PRTN3: variants seen among roughly 807,000 people sequenced by gnomAD.
PRTN3 encodes the protein proteinase 3.
A neutral mutation model predicts 20.7 loss-of-function variants in PRTN3; 22 were observed. The observed-to-expected ratio is 1.06, with a 90% CI of 0.76 to 1.52. The LOEUF (loss-of-function observed/expected upper bound fraction) is 1.52, where lower values mean the gene tolerates loss of function less well. PRTN3 is among the 40% of genes most tolerant of loss of function. The pLI, the probability that PRTN3 is intolerant of heterozygous loss-of-function variation, is 0.00. For missense variants in PRTN3, 378 were observed against 359.6 expected (o/e 1.05, Z -0.41); for synonymous variants, 173 against 152.9 (o/e 1.13, Z -0.97).
rs113322513 is a variant in PRTN3 at position 846,102 on chromosome 19, G to A, written c.370-45G>A. The A allele has an allele frequency of 6.5e-4, 902 of 1,380,752 alleles. 4 individuals carry two copies. In the African/African-American group the frequency reaches 0.012, roughly 19 times the overall value. The allele number at this position is 1,380,752 out of a possible 1,614,324, so 85.5% of individuals were successfully genotyped here. A position where few individuals can be genotyped will look rare whatever the true frequency, so the allele number is the denominator to read the frequency against. ...TGGGAGGGCGGCCCGGGCGGCCACC[G>A]TGACCTGGAAGCAGCGTCTCACCGC... On this transcript the variant is annotated intron_variant, in intron 3 of 4. Transcript: ENST00000234347.
At chr19:844,331 T>TCTCCCG (rs2035489058) in intron 3 of PRTN3, among the ~76,000 whole-genome samples, 1 of 22,052 alleles carries the variant, frequency 4.5e-5, no homozygotes, top group Non-Finnish European at 7.3e-5. Context: ...CGCCTCTCCC[T>TCTCCCG]TGCCCGCCCC....
chr19:848,008 G>C lies in PRTN3; in HGVS notation c.*39G>C. 2 of 1,565,594 alleles carry C rather than the reference G, an allele frequency of 1.3e-6. No individual in the cohort carries two copies. Among genetic ancestry groups the C allele is most frequent in the South Asian group, 1.2e-5 (1 of 86,484 alleles). ...CAGCGCTGGCCGGGACCCCGAGCCT[G>C]GCTCCAAACCCTCGAGGCGGATCTT... On this transcript the variant is annotated 3_prime_UTR_variant, in exon 5 of 5. Transcript: ENST00000234347.
At position 848,093 on chromosome 19, in the gene PRTN3, C is replaced by T; in HGVS notation, c.*124C>T. 1 of 1,226,790 alleles carries T rather than the reference C, an allele frequency of 8.2e-7. No individual in the cohort carries two copies. Among genetic ancestry groups the T allele is most frequent in the Non-Finnish European group, 1.1e-6 (1 of 900,204 alleles). 76.0% of individuals were successfully genotyped at this position (1,226,790 alleles called of 1,614,324 possible). A position where few individuals can be genotyped will look rare whatever the true frequency, so the allele number is the denominator to read the frequency against. On this transcript the variant is annotated 3_prime_UTR_variant, in exon 5 of 5. Transcript: ENST00000234347. Reference sequence around the variant, plus strand: ...GTCCGGGACGGCCCCACCCGTCCCCCCACACTCCCTCCCACGGGGCTCCGG... The same window carrying T: ...GTCCGGGACGGCCCCACCCGTCCCCTCACACTCCCTCCCACGGGGCTCCGG...
Position 843,939 on chromosome 19 carries a change from A to G in PRTN3, c.274A>G (p.Thr92Ala). 6.3e-7 allele frequency: 1 copy of G among 1,598,394 alleles called. No homozygotes were observed. The highest frequency in any genetic ancestry group is 8.5e-7 in the Non-Finnish European group (1 of 1,174,084). Residue 92 changes from threonine (T) to alanine (A), a missense_variant, in exon 3 of 5, where the codon ACG (threonine) becomes GCG (alanine). Transcript: ENST00000234347. ...GGTGCTCGGAGCCCACAACGTGCGG[A>G]CGCAGGAGCCCACCCAGCAGCACTT... ...NVVLGAHNVR[T>A]QEPTQQHFSV...
chr19:844,077 A>T, intron 3 of PRTN3, 43 bp downstream of exon 3: 1 of 1,558,810 alleles, frequency 6.4e-7, no homozygotes, highest in East Asian at 2.3e-5. Context: ...GCACGGCCAG[A>T]GGGCTCCGGG....
rs944840730 is a variant in PRTN3 at position 844,050 on chromosome 19, C to T, written c.369+16C>T. Reference sequence around the variant, plus strand: ...CCTCATCCAGGTGGGCGGGCAGGGCCGCGAGGGCTCGGAGGGGCACGGCCA... The same window carrying T: ...CCTCATCCAGGTGGGCGGGCAGGGCTGCGAGGGCTCGGAGGGGCACGGCCA... On this transcript the variant is annotated intron_variant, in intron 3 of 4. Coordinates refer to ENST00000234347, the MANE Select transcript of PRTN3 (RefSeq NM_002777.4). The T allele has an allele frequency of 6.3e-7, 1 of 1,592,964 alleles. No individual in the cohort carries two copies.
chr19:846,313 C>T lies in PRTN3; in HGVS notation c.536C>T (p.Thr179Ile), dbSNP rs1409922987. The change falls in exon 4 of 5, where the codon ACC (threonine) becomes ATC (isoleucine). Residue 179 changes from threonine to isoleucine, a missense_variant. By Grantham distance (89) the Thr-to-Ile change is moderately conservative. Coordinates refer to ENST00000234347, the MANE Select transcript of PRTN3 (RefSeq NM_002777.4). ...CAGGAGCTCAATGTCACCGTGGTCA[C>T]CTTCTTCTGCCGGCCACATAACATT... is the stretch of plus-strand genomic sequence containing the variant. ...VLQELNVTVV[T>I]FFCRPHNICT... is the part of the protein sequence containing the mutation. The T allele has an allele frequency of 1.9e-6, 3 of 1,593,132 alleles. No homozygotes were observed. The East Asian group carries it at 6.9e-5, about 37-fold the overall frequency.
At chr19:844,855 A>G (rs1355500789) in intron 3 of PRTN3, among the ~76,000 whole-genome samples, 2 of 151,864 alleles carry the variant, frequency 1.3e-5, no homozygotes, top group African/African-American at 2.4e-5. Flanking sequence ...TACTCCCAGT[A>G]CTTTGGGAGG....
chr19:841,208 G>T (rs1010999741), intron 1 of PRTN3, 139 bp downstream of exon 1: 2 of 1,163,952 alleles, frequency 1.7e-6, no homozygotes, highest in South Asian at 1.5e-5. Flanking sequence ...TCCACTCACT[G>T]CTCGGGACCA....
chr19:841,844 C>T (rs1235546309), intron 1 of PRTN3, among the ~76,000 whole-genome samples: 1 of 144,216 alleles, frequency 6.9e-6, no homozygotes, highest in Non-Finnish European at 1.5e-5. Context: ...TCTCCTGCCT[C>T]AGCCTCCCGA....
intron 3 of PRTN3, among the ~76,000 whole-genome samples, chr19:845,865 C>T (rs1049571830): frequency 6.6e-6 from 1 of 152,036 alleles, no homozygotes; most frequent in African/African-American, 2.4e-5. Flanking sequence ...CCACCTCACC[C>T]AATGGGATGG....
At chr19:842,318 A>AT (rs112350346) in intron 1 of PRTN3, among the ~76,000 whole-genome samples, 8,838 of 121,238 alleles carry the variant, frequency 0.073, 342 homozygotes, top group South Asian at 0.15. Flanking sequence ...TTGTTGGCTG[A>AT]TTTTTTTTTT....
chr19:841,213 G>A, intron 1 of PRTN3, 144 bp downstream of exon 1: 1 of 1,126,212 alleles, frequency 8.9e-7, no homozygotes, highest in Non-Finnish European at 1.3e-6. Flanking sequence ...TCACTGCTCG[G>A]GACCAACGCT....
chr19:845,542 C>T (rs564918449), intron 3 of PRTN3, among the ~76,000 whole-genome samples: 24 of 151,800 alleles, frequency 1.6e-4, no homozygotes, highest in South Asian at 2.1e-4. Context: ...TGGCAAACCC[C>T]GTGTCTACTA....
In PRTN3 at chr19:844,047, G is replaced by C. The variant is rs1261600853; in HGVS notation, c.369+13G>C. 1 of 1,595,152 alleles carries C rather than the reference G, an allele frequency of 6.3e-7. No homozygotes were observed. The highest frequency in any genetic ancestry group is 1.7e-5 in the Admixed American group (1 of 57,286). ...TCTCCTCATCCAGGTGGGCGGGCAG[G>C]GCCGCGAGGGCTCGGAGGGGCACGG... On this transcript the variant is annotated intron_variant, in intron 3 of 4. Coordinates refer to ENST00000234347, the MANE Select transcript of PRTN3 (RefSeq NM_002777.4).
chr19:842,591 T>G (rs1356983681), intron 1 of PRTN3, among the ~76,000 whole-genome samples: 1 of 133,922 alleles, frequency 7.5e-6, no homozygotes, highest in Admixed American at 7.6e-5. Context: ...GGCTAATTTT[T>G]TTTTTTTTTT....
intron 4 of PRTN3, 104 bp from the exon 5 acceptor site, chr19:847,695 C>T: frequency 7.1e-7 from 1 of 1,400,870 alleles, no homozygotes; most frequent in South Asian, 1.4e-5. Flanking sequence ...TGTCCCCATC[C>T]TCCCGGGAGA....
chr19:845,768 G>T (rs567710009), intron 3 of PRTN3, among the ~76,000 whole-genome samples: 1 of 151,524 alleles, frequency 6.6e-6, no homozygotes, highest in African/African-American at 2.4e-5. Flanking sequence ...GAATGGCCGG[G>T]CACTATGGCT....
intron 3 of PRTN3, among the ~76,000 whole-genome samples, chr19:845,773 A>G (rs1316293276): frequency 6.6e-6 from 1 of 151,486 alleles, no homozygotes; most frequent in East Asian, 1.9e-4. Flanking sequence ...GCCGGGCACT[A>G]TGGCTCACAC....
Sources: gnomAD v4.1 joint callset for allele counts (sites outside exome capture counted in the v4.1 genomes callset) on GRCh38, gnomAD v4.1.1 for gene constraint, MANE v1.5 for transcripts, NCBI Gene and HGNC (gene_info 2026-07-23, HGNC 2026-07-21) for gene names.